EIF5A2: variants seen among roughly 807,000 people sequenced by gnomAD.
The protein encoded by EIF5A2 is eukaryotic translation initiation factor 5A-2.
Under a neutral mutation model 16.4 loss-of-function variants are expected in EIF5A2, and 15 were observed. The observed-to-expected ratio is 0.92, with a 90% CI of 0.61 to 1.41. The LOEUF (loss-of-function observed/expected upper bound fraction) is 1.41, where lower values mean the gene tolerates loss of function less well. Among genes scored for constraint, EIF5A2 ranks in the 40% most tolerant of loss-of-function variants. EIF5A2 has a pLI of 0.00. For missense variants in EIF5A2, 144 were observed against 189.5 expected (o/e 0.76, Z 1.41); for synonymous variants, 48 against 61.1 (o/e 0.79, Z 1.00).
intron 4 of EIF5A2, among the ~76,000 whole-genome samples, chr3:170,893,884 T>G (rs550841627): frequency 2.5e-4 from 38 of 152,172 alleles, no homozygotes; most frequent in African/African-American, 8.9e-4. Flanking sequence ...AATACAAAAA[T>G]TAGCCAGATG....
intron 3 of EIF5A2, among the ~76,000 whole-genome samples, chr3:170,898,514 G>A (rs531923514): frequency 6.6e-6 from 1 of 152,094 alleles, no homozygotes; most frequent in African/African-American, 2.4e-5. Context: ...CCTGCTTGCT[G>A]TCTCTCCTGC....
chr3:170,902,607 CTTT>C (rs1178996738), intron 3 of EIF5A2, among the ~76,000 whole-genome samples: 18 of 102,220 alleles, frequency 1.8e-4, no homozygotes, highest in Non-Finnish European at 3.0e-4. Context: ...AGAAGCCTTC[CTTT>C]TTTTTTTTTT....
Position 170,889,463 on chromosome 3 carries a change from T to C in EIF5A2, c.*3897A>G, listed in dbSNP as rs904536529. The C allele has an allele frequency of 7.9e-5, 12 of 152,444 alleles. No individual in the cohort carries two copies. The highest frequency in any genetic ancestry group is 2.9e-4 in the African/African-American group (12 of 41,590). The allele number at this position is 152,444 out of a possible 1,614,324, so 9.4% of individuals were successfully genotyped here. On this transcript the variant is annotated 3_prime_UTR_variant, in exon 5 of 5. Coordinates refer to ENST00000295822, the MANE Select transcript of EIF5A2 (RefSeq NM_020390.6). ...TCTCAATTTTTAAGGTTTTCCACCA[T>C]AAATTTTTCTTAAATCTTTGTTGCC...
chr3:170,892,154 T>A lies in EIF5A2; in HGVS notation c.*1206A>T, dbSNP rs1417719312. 1 of 152,542 alleles carries A rather than the reference T, an allele frequency of 6.6e-6. No homozygotes were observed. Among genetic ancestry groups the A allele is most frequent in the Non-Finnish European group, 1.5e-5 (1 of 68,026 alleles). 9.4% of individuals were successfully genotyped at this position (152,542 alleles called of 1,614,324 possible). On this transcript the variant is annotated 3_prime_UTR_variant, in exon 5 of 5. Coordinates refer to ENST00000295822, the MANE Select transcript of EIF5A2 (RefSeq NM_020390.6). The stretch of plus-strand genomic sequence containing the variant: ...GAAATGGTTGGAAAGGGGCTGGGTG[T>A]GGTGGCTCATGCCTGTAATCCCAGC...
chr3:170,894,305 C>T lies in EIF5A2; in HGVS notation c.389G>A (p.Gly130Asp), dbSNP rs749765573. 6.2e-7 allele frequency: 1 copy of T among 1,613,662 alleles called. No homozygotes were observed. The highest frequency in any genetic ancestry group is 2.2e-5 in the East Asian group (1 of 44,822). Residue 130 changes from glycine to aspartate, a missense_variant, in exon 4 of 5, where the codon GGT (glycine) becomes GAT (aspartate). Transcript: ENST00000295822. Reference protein sequence around the residue: ...GKEIEGKYNAGEDVQVSVMCA... With the variant: ...GKEIEGKYNADEDVQVSVMCA... ...CTAAGTCTTTACCTGTACATCTTCA[C>T]CTGCATTGTATTTTCCCTCTATTTC...
In EIF5A2 at chr3:170,897,591, A is replaced by C. The variant is rs947404692; in HGVS notation, c.271-3168T>G. On this transcript the variant is annotated intron_variant, in intron 3 of 4. Coordinates refer to ENST00000295822, the MANE Select transcript of EIF5A2 (RefSeq NM_020390.6). The stretch of plus-strand genomic sequence containing the variant: ...GGCTTCCATGTGGTGTTGGGCCTGC[A>C]GGTACACAGAAGGCAAGAGTTGAGG... Among the ~76,000 whole-genome samples the C allele has an allele frequency of 5.9e-5, 9 of 152,316 alleles. No individual in the cohort carries two copies. The South Asian group carries it at 1.7e-3, about 28-fold the overall frequency.
chr3:170,894,654 GT>G (rs1199951318), intron 3 of EIF5A2, among the ~76,000 whole-genome samples: 1 of 151,586 alleles, frequency 6.6e-6, no homozygotes, highest in East Asian at 1.9e-4. Context: ...TTGTTAAACA[GT>G]TTAGGTTTCT....
In EIF5A2 at chr3:170,907,692, T is replaced by G. The variant is rs1712974467; in HGVS notation, c.115A>C (p.Lys39Gln). ...TTGGAAGTTGACATCTCCACTATTT[T>G]GCATGGTCGTCCTTTGAGCACCACG... Reference protein sequence around the residue: ...GFVVLKGRPCKIVEMSTSKTG... With the variant: ...GFVVLKGRPCQIVEMSTSKTG... Residue 39 changes from lysine to glutamine, a missense_variant, in exon 2 of 5, where the codon AAA becomes CAA. By Grantham distance (53) the Lys-to-Gln change is moderately conservative. Transcript: ENST00000295822. 1 of 1,610,740 alleles carries G rather than the reference T, an allele frequency of 6.2e-7. No individual in the cohort carries two copies. Among genetic ancestry groups the G allele is most frequent in the South Asian group, 1.1e-5 (1 of 90,900 alleles).
intron 3 of EIF5A2, among the ~76,000 whole-genome samples, chr3:170,902,281 CA>C (rs1411110385): frequency 1.3e-5 from 2 of 151,988 alleles, no homozygotes; most frequent in East Asian, 3.9e-4. Flanking sequence ...TGACACCATT[CA>C]GGGGTCAACC....
intron 3 of EIF5A2, among the ~76,000 whole-genome samples, chr3:170,898,059 C>T (rs962275287): frequency 2.0e-5 from 3 of 152,184 alleles, no homozygotes; most frequent in Non-Finnish European, 4.4e-5. Context: ...GGACCTGTAG[C>T]TCCTTTGTTT....
At chr3:170,894,205 T>A in intron 4 of EIF5A2, 87 bp downstream of exon 4, 3 of 1,414,184 alleles carry the variant, frequency 2.1e-6, no homozygotes, top group Non-Finnish European at 1.9e-6. Context: ...TTAAACCACA[T>A]TCCATATGTA....
chr3:170,901,741 G>C (rs1322361612), intron 3 of EIF5A2, among the ~76,000 whole-genome samples: 1 of 152,084 alleles, frequency 6.6e-6, no homozygotes, highest in Non-Finnish European at 1.5e-5. Flanking sequence ...TGCCTGGACA[G>C]GTGCCTTCTT....
intron 3 of EIF5A2, among the ~76,000 whole-genome samples, chr3:170,899,655 T>C (rs977063335): frequency 5.3e-5 from 8 of 152,152 alleles, no homozygotes; most frequent in East Asian, 1.9e-4. Flanking sequence ...AACTTTGATA[T>C]GCTGACTAAG....
At chr3:170,895,698 T>C (rs536438068) in intron 3 of EIF5A2, among the ~76,000 whole-genome samples, 5 of 152,314 alleles carry the variant, frequency 3.3e-5, no homozygotes, top group African/African-American at 1.2e-4. Flanking sequence ...TGAGTTTTTA[T>C]ATGTCTAGAA....
rs184980281 is a variant in EIF5A2, at chr3:170,905,316, A to G, written c.270+1673T>C. Among the ~76,000 whole-genome samples, 464 of 152,298 alleles carry G rather than the reference A, an allele frequency of 3.0e-3. 3 individuals carry two copies. The highest frequency in any genetic ancestry group is 0.011 in the African/African-American group (446 of 41,566). On this transcript the variant is annotated intron_variant, in intron 3 of 4. Coordinates refer to ENST00000295822, the MANE Select transcript of EIF5A2 (RefSeq NM_020390.6). Reference sequence around the variant, plus strand: ...TCCCTCACTTCATTTGCCTCATCCTAGTCTAGGACCCAAACCAAATTTTTC... The same window carrying G: ...TCCCTCACTTCATTTGCCTCATCCTGGTCTAGGACCCAAACCAAATTTTTC...
At position 170,889,225 on chromosome 3, in the gene EIF5A2, C is replaced by T. The variant is rs1480730865; in HGVS notation, c.*4135G>A. The T allele has an allele frequency of 6.6e-6, 1 of 152,332 alleles. No homozygotes were observed. The highest frequency in any genetic ancestry group is 2.4e-5 in the African/African-American group (1 of 41,390). 9.4% of individuals were successfully genotyped at this position (152,332 alleles called of 1,614,324 possible). ...ACATGCTTATTAGATGTATACAGTACTTTTCAGGCACTTGACCTCACTTGG... is the reference window on the plus strand; with the variant it reads ...ACATGCTTATTAGATGTATACAGTATTTTTCAGGCACTTGACCTCACTTGG... On this transcript the variant is annotated 3_prime_UTR_variant, in exon 5 of 5. Transcript: ENST00000295822.
At chr3:170,898,817 T>C (rs1032009672) in intron 3 of EIF5A2, among the ~76,000 whole-genome samples, 5 of 150,436 alleles carry the variant, frequency 3.3e-5, no homozygotes, top group African/African-American at 1.2e-4. Context: ...TGCACTATTT[T>C]CTCTATGTAT....
At chr3:170,894,187 C>T in intron 4 of EIF5A2, 105 bp downstream of exon 4, 3 of 1,236,368 alleles carry the variant, frequency 2.4e-6, no homozygotes, top group Non-Finnish European at 3.4e-6. Flanking sequence ...AACATTTTAG[C>T]AGTATTTTTA....
chr3:170,908,360 T>TCGGCC (rs1194485796), intron 1 of EIF5A2, among the ~76,000 whole-genome samples, 183 bp downstream of exon 1: 2 of 152,144 alleles, frequency 1.3e-5, no homozygotes, highest in Non-Finnish European at 1.5e-5. Context: ...AGGGCTCAGC[T>TCGGCC]CGGCCCGGCC....
Sources: gnomAD v4.1 joint callset for allele counts (sites outside exome capture counted in the v4.1 genomes callset) on GRCh38, gnomAD v4.1.1 for gene constraint, MANE v1.5 for transcripts, NCBI Gene and HGNC (gene_info 2026-07-23, HGNC 2026-07-21) for gene names.